Variants in NR2F1-AS1 observed in about 807,000 individuals in gnomAD.
The protein encoded by NR2F1-AS1 is NR2F1 antisense RNA 1.
chr5:93,554,626 G>A (rs1752311092), intron 3 of NR2F1-AS1, among the ~76,000 whole-genome samples: 1 of 152,158 alleles, frequency 6.6e-6, no homozygotes, highest in South Asian at 2.1e-4. Context: ...ATTAAAACTA[G>A]ATATAAGTAA....
intron 4 of NR2F1-AS1, among the ~76,000 whole-genome samples, chr5:93,501,356 A>ATT (rs70975858): frequency 0.072 from 9,819 of 137,182 alleles, 525 homozygotes; most frequent in Non-Finnish European, 0.092. Flanking sequence ...GTTTGGGGGA[A>ATT]TTTTTTTTTT....
At chr5:93,559,522 G>A (rs545070229) in intron 2 of NR2F1-AS1, among the ~76,000 whole-genome samples, 29 of 152,314 alleles carry the variant, frequency 1.9e-4, no homozygotes, top group African/African-American at 6.5e-4. Flanking sequence ...TGTTTGACAA[G>A]AGGCCTAGCT....
intron 4 of NR2F1-AS1, among the ~76,000 whole-genome samples, chr5:93,541,264 C>A (rs1751944245): frequency 6.6e-6 from 1 of 152,186 alleles, no homozygotes; most frequent in African/African-American, 2.4e-5. Context: ...CTTCACTCCT[C>A]CCATGTGATA....
chr5:93,484,464 A>T (rs1055100543), intron 4 of NR2F1-AS1, among the ~76,000 whole-genome samples: 3 of 152,204 alleles, frequency 2.0e-5, no homozygotes, highest in Non-Finnish European at 4.4e-5. Flanking sequence ...CTAAACATGG[A>T]AAGGAAAAAC....
chr5:93,424,845 T>G (rs1362729125), intron 4 of NR2F1-AS1, among the ~76,000 whole-genome samples: 1 of 152,168 alleles, frequency 6.6e-6, no homozygotes, highest in Non-Finnish European at 1.5e-5. Flanking sequence ...AAAGAAAAAT[T>G]AATCTATTCA....
intron 1 of NR2F1-AS1, among the ~76,000 whole-genome samples, chr5:93,571,525 A>G (rs1190951145): frequency 6.6e-6 from 1 of 151,274 alleles, no homozygotes; most frequent in Non-Finnish European, 1.5e-5. Context: ...TTGGGACTCA[A>G]TTGCATTTCT....
chr5:93,468,558 A>G (rs185530097), intron 4 of NR2F1-AS1, among the ~76,000 whole-genome samples: 3 of 152,240 alleles, frequency 2.0e-5, no homozygotes, highest in African/African-American at 4.8e-5. Flanking sequence ...CCTTTGACAG[A>G]TGAGTAGATT....
At position 93,521,126 on chromosome 5, in the gene NR2F1-AS1, C is replaced by T. The variant is rs577127466; in HGVS notation, n.638+32635G>A. Among the ~76,000 whole-genome samples, 421 of 152,180 alleles carry T rather than the reference C, an allele frequency of 2.8e-3. 1 individual carries two copies. Among genetic ancestry groups the T allele is most frequent in the African/African-American group, 1.0e-2 (413 of 41,498 alleles). On this transcript the variant is annotated intron_variant and non_coding_transcript_variant, in intron 4 of 5. Coordinates refer to ENST00000660523, the Ensembl canonical transcript of NR2F1-AS1. The stretch of plus-strand genomic sequence containing the variant: ...AAAAACACGCAATGGGGAAAAGACT[C>T]GCTATTCAATAAATGATGCTGGGAT...
intron 4 of NR2F1-AS1, among the ~76,000 whole-genome samples, chr5:93,441,936 C>A (rs1378908259): frequency 6.6e-6 from 1 of 152,226 alleles, no homozygotes; most frequent in African/African-American, 2.4e-5. Flanking sequence ...GAATACAGCA[C>A]ACTTATGACT....
intron 4 of NR2F1-AS1, among the ~76,000 whole-genome samples, chr5:93,517,491 T>G (rs1487231853): frequency 1.3e-5 from 2 of 152,070 alleles, no homozygotes; most frequent in East Asian, 3.8e-4. Flanking sequence ...TTAGTTTAAT[T>G]TTTGTTAGTT....
At chr5:93,514,995 TTTTAATGC>T (rs1751372424) in intron 4 of NR2F1-AS1, among the ~76,000 whole-genome samples, 1 of 151,940 alleles carries the variant, frequency 6.6e-6, no homozygotes. Context: ...TAATATAAAT[TTTTAATGC>T]TTTAATGCTT....
At chr5:93,471,462 A>G (rs978358247) in intron 4 of NR2F1-AS1, among the ~76,000 whole-genome samples, 2 of 151,960 alleles carry the variant, frequency 1.3e-5, no homozygotes, top group African/African-American at 2.4e-5. Flanking sequence ...TTTTTTAAAA[A>G]TGAATGCAAT....
chr5:93,511,898 T>C (rs1751302514), intron 4 of NR2F1-AS1, among the ~76,000 whole-genome samples: 1 of 152,182 alleles, frequency 6.6e-6, no homozygotes, highest in African/African-American at 2.4e-5. Flanking sequence ...CCATCATCCC[T>C]GGTCCACAGA....
At chr5:93,440,193 G>GTCTCTC (rs374272400) in intron 4 of NR2F1-AS1, among the ~76,000 whole-genome samples, 6 of 143,956 alleles carry the variant, frequency 4.2e-5, no homozygotes, top group African/African-American at 1.3e-4. Context: ...CTCTCTCTCT[G>GTCTCTC]TCTCTCTCTC....
chr5:93,497,021 A>T (rs1399574508), intron 4 of NR2F1-AS1, among the ~76,000 whole-genome samples: 1 of 152,170 alleles, frequency 6.6e-6, no homozygotes, highest in Non-Finnish European at 1.5e-5. Context: ...AAAGACTCAA[A>T]CACTGTCCAA....
intron 2 of NR2F1-AS1, among the ~76,000 whole-genome samples, chr5:93,558,563 C>T (rs112542033): frequency 0.02 from 2,986 of 152,240 alleles, 114 homozygotes; most frequent in African/African-American, 0.069. Flanking sequence ...CTCAGGTGAT[C>T]CACCTGCCTC....
chr5:93,552,327 T>C (rs1417991032), intron 4 of NR2F1-AS1, among the ~76,000 whole-genome samples: 2 of 152,078 alleles, frequency 1.3e-5, no homozygotes, highest in Non-Finnish European at 2.9e-5. Context: ...GAGGAAAGAC[T>C]ATAATGGTAA....
At chr5:93,494,468 C>T (rs1387188283) in intron 4 of NR2F1-AS1, among the ~76,000 whole-genome samples, 2 of 152,084 alleles carry the variant, frequency 1.3e-5, no homozygotes, top group Non-Finnish European at 2.9e-5. Flanking sequence ...ACTGTATCTA[C>T]TAAAAATATA....
intron 4 of NR2F1-AS1, among the ~76,000 whole-genome samples, chr5:93,457,289 G>C (rs1403289000): frequency 6.6e-6 from 1 of 152,130 alleles, no homozygotes; most frequent in Non-Finnish European, 1.5e-5. Flanking sequence ...CTTCCACAGT[G>C]TTTTGTGTCC....
Sources: allele counts gnomAD v4.1 joint callset (sites outside exome capture counted in the v4.1 genomes callset), GRCh38; gene constraint gnomAD v4.1.1; transcripts MANE v1.5; gene names NCBI Gene and HGNC (gene_info 2026-07-23, HGNC 2026-07-21).